The following KDM6A variants were observed in gnomAD, a reference collection of about 807,000 sequenced individuals.
KDM6A encodes the protein lysine-specific demethylase 6A.
In KDM6A, 11 loss-of-function variants were observed where a neutral mutation model predicts 117.6. That is an observed-to-expected ratio of 0.09 (90% confidence interval 0.06 to 0.15). The LOEUF is 0.15. Ranked by LOEUF, KDM6A falls within the 10% of genes least tolerant of loss-of-function variation. The pLI is 1.00. For synonymous variants in KDM6A, 384 were observed against 396.1 expected (o/e 0.97, Z 0.36); for missense variants, 799 against 1,077.3 (o/e 0.74, Z 3.62).
intron 3 of KDM6A, among the ~76,000 whole-genome samples, chrX:44,968,201 A>G (rs2039132318): frequency 8.9e-6 from 1 of 112,476 alleles, no homozygotes; most frequent in African/African-American, 3.2e-5. Context: ...TTATACTCCA[A>G]TTATTCCATA....
intron 21 of KDM6A, 128 bp from the exon 22 acceptor site, chrX:45,082,448 C>T: frequency 2.0e-6 from 1 of 503,981 alleles, no homozygotes; most frequent in Non-Finnish European, 3.4e-6. Flanking sequence ...AAATTAAAAA[C>T]ATGAAACTTA....
intron 5 of KDM6A, among the ~76,000 whole-genome samples, chrX:45,016,559 G>A (rs569892969): frequency 2.3e-3 from 260 of 111,005 alleles, no homozygotes; most frequent in Non-Finnish European, 4.2e-3. Context: ...GAGTGCAGTG[G>A]CACAATCAAG....
rs17147039 is a variant in KDM6A at position 44,949,804 on chromosome X, C to T, written c.226-11480C>T. Among the ~76,000 whole-genome samples, 687 of 111,699 alleles carry T rather than the reference C, an allele frequency of 6.2e-3. 8 individuals are homozygous for T. Among genetic ancestry groups the T allele is most frequent in the African/African-American group, 0.021 (656 of 30,757 alleles). ...GGTACAGCATGCAGAATAATGTAGT[C>T]TTTTACCTTCATAAAGATATGGTCT... On this transcript the variant is annotated intron_variant, in intron 2 of 29. Coordinates refer to ENST00000611820, the MANE Select transcript of KDM6A (RefSeq NM_001291415.2).
At chrX:44,897,269 GTT>G (rs1207197202) in intron 2 of KDM6A, among the ~76,000 whole-genome samples, 22 of 68,719 alleles carry the variant, frequency 3.2e-4, no homozygotes, top group African/African-American at 9.2e-4. Context: ...TTTATTTTAG[GTT>G]TTTTTTTTTT....
At chrX:44,974,134 G>C (rs1316617117) in intron 3 of KDM6A, among the ~76,000 whole-genome samples, 2 of 111,191 alleles carry the variant, frequency 1.8e-5, no homozygotes, top group Non-Finnish European at 3.8e-5. Flanking sequence ...ACATGGGATT[G>C]CGGATCTCTG....
rs749877314 is a variant in KDM6A, at chrX:45,021,578, A to C, written c.564+848A>C. ...TGTAATTTGAGCTCACTAATAAGGA[A>C]CTACTGAAGGTTAAAAATAAAAAAA... On this transcript the variant is annotated intron_variant, in intron 6 of 29. Coordinates refer to ENST00000611820, the MANE Select transcript of KDM6A (RefSeq NM_001291415.2). Among the ~76,000 whole-genome samples the C allele has an allele frequency of 1.3e-4, 15 of 111,732 alleles. No homozygotes were observed. In the South Asian group the frequency reaches 5.6e-3, roughly 42 times the overall value.
At chrX:45,096,935 A>G (rs1395001634) in intron 27 of KDM6A, among the ~76,000 whole-genome samples, 2 of 112,056 alleles carry the variant, frequency 1.8e-5, no homozygotes, top group African/African-American at 6.5e-5. Context: ...AGCACTATTC[A>G]CAATAGCAAA....
At chrX:45,022,434 A>G (rs1291784078) in intron 6 of KDM6A, among the ~76,000 whole-genome samples, 2 of 111,251 alleles carry the variant, frequency 1.8e-5, no homozygotes, top group Non-Finnish European at 3.8e-5. Context: ...CGAGTCCATG[A>G]TATTTCTCGT....
chrX:44,899,749 AGTT>A (rs760283713), intron 2 of KDM6A, among the ~76,000 whole-genome samples: 6 of 110,950 alleles, frequency 5.4e-5, no homozygotes, highest in Non-Finnish European at 9.4e-5. Context: ...AGGGTTTTTT[AGTT>A]GTTAAGAGGG....
intron 2 of KDM6A, among the ~76,000 whole-genome samples, chrX:44,927,092 C>T (rs1483655487): frequency 9.0e-6 from 1 of 111,380 alleles, no homozygotes; most frequent in Admixed American, 9.6e-5. Context: ...ACTTACAGGG[C>T]TGCCTCCCAC....
rs2148151204 is a variant in KDM6A, at chrX:45,083,481, G to A, written c.3462G>A (p.Glu1154=). The A allele has an allele frequency of 8.3e-7, 1 of 1,210,175 alleles. No individual in the cohort carries two copies. The highest frequency in any genetic ancestry group is 1.1e-6 in the Non-Finnish European group (1 of 894,419). Residue 1154 remains glutamate (E), a synonymous_variant, in exon 24 of 30, where the codon GAG becomes GAA. Coordinates refer to ENST00000611820, the MANE Select transcript of KDM6A (RefSeq NM_001291415.2). ...GCAGGTGGAAGTTGCAGCTACATGA[G>A]CTGACTAAACTTCCTGCTTTTGTGC... The part of the protein sequence containing the change: ...DDKKWKLQLH[E]LTKLPAFVRV...
At chrX:44,938,398 T>TAAGCCA (rs1425160331) in intron 2 of KDM6A, among the ~76,000 whole-genome samples, 1 of 112,093 alleles carries the variant, frequency 8.9e-6, no homozygotes, top group Non-Finnish European at 1.9e-5. Context: ...AGCATTGCCT[T>TAAGCCA]AAGCCAAAGC....
At chrX:44,911,982 G>A (rs1359737882) in intron 2 of KDM6A, among the ~76,000 whole-genome samples, 1 of 101,362 alleles carries the variant, frequency 9.9e-6, no homozygotes, top group Non-Finnish European at 2.0e-5. Flanking sequence ...TGGCAATACA[G>A]TCCAGCTTTG....
At chrX:44,981,410 G>A (rs2039900727) in intron 4 of KDM6A, among the ~76,000 whole-genome samples, 2 of 111,908 alleles carry the variant, frequency 1.8e-5, no homozygotes, top group Non-Finnish European at 3.8e-5. Flanking sequence ...ATAGGATGAG[G>A]TCATGTGGGA....
intron 6 of KDM6A, among the ~76,000 whole-genome samples, chrX:45,025,153 A>G (rs1201867979): frequency 1.8e-5 from 2 of 110,791 alleles, no homozygotes; most frequent in East Asian, 5.6e-4. Context: ...TTAATGCCAT[A>G]CAGTTAATTC....
At chrX:45,074,895 A>G (rs1342593083) in intron 18 of KDM6A, among the ~76,000 whole-genome samples, 1 of 111,826 alleles carries the variant, frequency 8.9e-6, no homozygotes, top group African/African-American at 3.2e-5. Context: ...TGTGTAAATG[A>G]CAGAGACAGA....
intron 2 of KDM6A, among the ~76,000 whole-genome samples, chrX:44,906,925 G>A (rs1040465791): frequency 9.0e-6 from 1 of 111,268 alleles, no homozygotes; most frequent in African/African-American, 3.3e-5. Flanking sequence ...ATTCTTTAGC[G>A]CTTTCTTCTC....
In KDM6A at chrX:45,063,727, G is replaced by A. The variant is rs766283544; in HGVS notation, c.1989G>A (p.Gln663=). The A allele has an allele frequency of 5.8e-6, 7 of 1,207,510 alleles. No homozygotes were observed. The South Asian group carries it at 1.1e-4, about 18-fold the overall frequency. The stretch of plus-strand genomic sequence containing the variant: ...GTAATGGAAACGTGCCTTACCTGCA[G>A]CGAAACGCACTCACTCTACCTCATA... The part of the protein sequence containing the change: ...SGSNGNVPYL[Q]RNALTLPHNR... The change falls in exon 17 of 30, where the codon CAG becomes CAA. Residue 663 remains glutamine (Q), a synonymous_variant. Transcript: ENST00000611820.
chrX:44,988,014 G>T (rs2040338599), intron 4 of KDM6A, among the ~76,000 whole-genome samples: 2 of 111,687 alleles, frequency 1.8e-5, no homozygotes, highest in Non-Finnish European at 3.8e-5. Flanking sequence ...TTCCAACTTG[G>T]TTCCATTCTC....
Sources: allele counts gnomAD v4.1 joint callset (sites outside exome capture counted in the v4.1 genomes callset), GRCh38; gene constraint gnomAD v4.1.1; transcripts MANE v1.5; gene names NCBI Gene and HGNC (gene_info 2026-07-23, HGNC 2026-07-21).